The following PRKAR1B variants were observed in gnomAD, a reference collection of about 807,000 sequenced individuals.
PRKAR1B encodes the protein protein kinase cAMP-dependent type I regulatory subunit beta.
A neutral mutation model predicts 46.5 loss-of-function variants in PRKAR1B; 22 were observed. The ratio of observed to expected loss-of-function variants is 0.47; its 90% CI spans 0.34 to 0.68. The LOEUF (loss-of-function observed/expected upper bound fraction) is 0.68, where lower values mean the gene tolerates loss of function less well. PRKAR1B is among the 30% of genes least tolerant of loss of function. The pLI, the probability that PRKAR1B is intolerant of heterozygous loss-of-function variation, is 0.01. For synonymous variants in PRKAR1B, 259 were observed against 217.7 expected, an observed-to-expected ratio of 1.19 and a Z score of -1.67; for missense variants, 445 against 535.6, an observed-to-expected ratio of 0.83 and a Z score of 1.67.
Position 644,307 on chromosome 7 carries a change from C to T in PRKAR1B, c.440+32922G>A, listed in dbSNP as rs937161727. 3.9e-5 allele frequency among the ~76,000 whole-genome samples: 6 copies of T among 152,150 alleles called. No individual in the cohort carries two copies. Among genetic ancestry groups the T allele is most frequent in the Non-Finnish European group, 8.8e-5 (6 of 68,018 alleles). On this transcript the variant is annotated intron_variant, in intron 4 of 10. Coordinates refer to ENST00000537384, the MANE Select transcript of PRKAR1B (RefSeq NM_001164760.2). The surrounding 1 kb of genome is among the most constrained non-coding windows in gnomAD (Gnocchi z 4.9). ...AAATCCTGCTGGAATCACTCACTCC[C>T]GGCTCCTGCTCCACCCCACACTGTG...
intron 8 of PRKAR1B, among the ~76,000 whole-genome samples, chr7:581,521 G>A (rs2128444246): frequency 6.6e-6 from 1 of 152,334 alleles, no homozygotes; most frequent in South Asian, 2.1e-4. Context: ...TACAAGGACA[G>A]TAATACGAGG....
At chr7:679,560 G>A (rs142556643) in intron 3 of PRKAR1B, among the ~76,000 whole-genome samples, 4 of 152,238 alleles carry the variant, frequency 2.6e-5, no homozygotes, top group African/African-American at 7.2e-5. Flanking sequence ...ATTAAGTACT[G>A]CGGAAAGGAA....
intron 4 of PRKAR1B, among the ~76,000 whole-genome samples, chr7:652,181 A>G (rs1355732223): frequency 7.1e-6 from 1 of 141,188 alleles, no homozygotes; most frequent in Non-Finnish European, 1.5e-5. Flanking sequence ...CTCTCGGAAC[A>G]CAGTTCACAC....
chr7:672,257 T>C (rs1472164530), intron 4 of PRKAR1B, among the ~76,000 whole-genome samples: 1 of 151,948 alleles, frequency 6.6e-6, no homozygotes, highest in Non-Finnish European at 1.5e-5. Flanking sequence ...TTCAAGCAAT[T>C]CTCCCGCCTC....
chr7:578,839 A>C, intron 9 of PRKAR1B: 1 of 286,054 alleles, frequency 3.5e-6, no homozygotes, highest in African/African-American at 2.3e-5. Context: ...GTGCCACCAC[A>C]CCCGGCAAAT....
chr7:585,364 C>G (rs1229266480), intron 7 of PRKAR1B, among the ~76,000 whole-genome samples: 2 of 152,160 alleles, frequency 1.3e-5, no homozygotes, highest in African/African-American at 4.8e-5. Flanking sequence ...AACTCCACAA[C>G]TGTACAGAGC....
chr7:640,021 G>A (rs933087820), intron 4 of PRKAR1B, among the ~76,000 whole-genome samples: 6 of 151,976 alleles, frequency 3.9e-5, no homozygotes, highest in African/African-American at 1.5e-4. Flanking sequence ...AAGTTAGCCA[G>A]GCGTGGTGGC....
At position 550,910 on chromosome 7, in the gene PRKAR1B, G is replaced by T. The variant is rs187027094; in HGVS notation, c.974-308C>A. On this transcript the variant is annotated intron_variant, in intron 10 of 10. Transcript: ENST00000537384. ...CTTAGGACCCAGACCCCCAGCTGCA[G>T]GAATGCCCAGGTGTGCCCAGGCCTC... 1.7e-3 allele frequency among the ~76,000 whole-genome samples: 263 copies of T among 151,888 alleles called. 1 individual carries two copies. Among genetic ancestry groups the T allele is most frequent in the African/African-American group, 6.0e-3 (247 of 41,390 alleles).
At position 680,437 on chromosome 7, in the gene PRKAR1B, C is replaced by T. The variant is rs962696108; in HGVS notation, c.348+119G>A. On this transcript the variant is annotated intron_variant, in intron 3 of 10. Coordinates refer to ENST00000537384, the MANE Select transcript of PRKAR1B (RefSeq NM_001164760.2). ...TCACCCACATAGTCCTCCCTCCAAC[C>T]AGGATGACACTGAGACCCCCAGGAG... 10 of 1,055,510 alleles carry T rather than the reference C, an allele frequency of 9.5e-6. No individual in the cohort carries two copies. In the African/African-American group the frequency reaches 1.6e-4, roughly 17 times the overall value. The allele number at this position is 1,055,510 out of a possible 1,614,324, so 65.4% of individuals were successfully genotyped here.
chr7:605,951 C>A (rs1296305907), intron 6 of PRKAR1B, among the ~76,000 whole-genome samples: 1 of 152,214 alleles, frequency 6.6e-6, no homozygotes, highest in Non-Finnish European at 1.5e-5. Flanking sequence ...CGGAAGACAG[C>A]GGCCCTGGAA....
chr7:615,125 C>A (rs532809587), intron 4 of PRKAR1B, among the ~76,000 whole-genome samples: 1 of 151,124 alleles, frequency 6.6e-6, no homozygotes, highest in African/African-American at 2.4e-5. Flanking sequence ...AAGAGTGAGA[C>A]AAAGAAAGAG....
At chr7:690,493 TAACAAC>T (rs527828585) in intron 2 of PRKAR1B, among the ~76,000 whole-genome samples, 1 of 151,976 alleles carries the variant, frequency 6.6e-6, no homozygotes, top group Non-Finnish European at 1.5e-5. Context: ...AAGAAGCCAT[TAACAAC>T]AACAACAACA....
rs1163027848 is a variant in PRKAR1B, at chr7:554,597, AGGGGAG to A, written c.892-3133_892-3128del. Reference sequence around the variant, plus strand: ...CACGGATCCCACAGAGCCAGAAGACAGGGGAGGCCACGGATCCCACAGAGCCGGAAG... The same window carrying A: ...CACGGATCCCACAGAGCCAGAAGACAGCCACGGATCCCACAGAGCCGGAAG... On this transcript the variant is annotated intron_variant, in intron 9 of 10. Transcript: ENST00000537384. Among the ~76,000 whole-genome samples, 113 of 152,114 alleles carry A rather than the reference AGGGGAG, an allele frequency of 7.4e-4. 1 individual carries two copies. Among genetic ancestry groups the A allele is most frequent in the African/African-American group, 2.6e-3 (108 of 41,488 alleles).
chr7:599,026 C>T (rs1562550727), intron 6 of PRKAR1B, among the ~76,000 whole-genome samples: 2 of 152,258 alleles, frequency 1.3e-5, no homozygotes, highest in Non-Finnish European at 2.9e-5. Context: ...GCTGCCGCTG[C>T]AGGCAGGACC....
In PRKAR1B at chr7:667,235, GATA is replaced by G. The variant is rs975035898; in HGVS notation, c.440+9991_440+9993del. On this transcript the variant is annotated intron_variant, in intron 4 of 10. Transcript: ENST00000537384. This position sits in a 1 kb window ranked among gnomAD's most constrained non-coding sequence, Gnocchi z 4.3. ...TAATGGTGATGACTATGATGGTGAT[GATA>G]ATGATGGTGGTGATAACAGTACACA... Among the ~76,000 whole-genome samples, 1 of 152,188 alleles carries G rather than the reference GATA, an allele frequency of 6.6e-6. No individual in the cohort carries two copies. Among genetic ancestry groups the G allele is most frequent in the Non-Finnish European group, 1.5e-5 (1 of 68,034 alleles).
chr7:643,861 C>G (rs1357211463), intron 4 of PRKAR1B, among the ~76,000 whole-genome samples: 1 of 152,170 alleles, frequency 6.6e-6, no homozygotes, highest in Non-Finnish European at 1.5e-5. Flanking sequence ...GCACAGGGTT[C>G]AGGGTGCCCA....
At chr7:584,607 T>G (rs774639916) in intron 7 of PRKAR1B, 39 bp from the exon 8 acceptor site, 9 of 1,534,638 alleles carry the variant, frequency 5.9e-6, no homozygotes, top group Non-Finnish European at 7.2e-6. Flanking sequence ...AGAAGGTGAA[T>G]CTTCATACCT....
At chr7:651,563 C>T (rs916577244) in intron 4 of PRKAR1B, among the ~76,000 whole-genome samples, 6 of 151,596 alleles carry the variant, frequency 4.0e-5, no homozygotes, top group Non-Finnish European at 8.8e-5. Context: ...AACCCCCTGT[C>T]AGAAGACAGT....
chr7:596,363 T>A (rs1403081578), intron 6 of PRKAR1B, 59 bp from the exon 7 acceptor site: 18 of 1,556,032 alleles, frequency 1.2e-5, no homozygotes, highest in African/African-American at 5.4e-5. Flanking sequence ...CTCCTCTGCA[T>A]CCCATACAGA....
Sources: gnomAD v4.1 joint callset for allele counts (sites outside exome capture counted in the v4.1 genomes callset) on GRCh38, gnomAD v4.1.1 for gene constraint, Gnocchi (gnomAD v3.1) non-coding constraint, MANE v1.5 for transcripts, NCBI Gene and HGNC (gene_info 2026-07-23, HGNC 2026-07-21) for gene names.